Variants in LRRC4C observed in about 807,000 individuals in gnomAD.
The protein encoded by LRRC4C is leucine rich repeat containing 4C, also known as leucine-rich repeat-containing protein 4C.
In LRRC4C, 5 loss-of-function variants were observed where a neutral mutation model predicts 33.6. That is an observed-to-expected ratio of 0.15 (90% CI 0.08 to 0.31). The LOEUF (loss-of-function observed/expected upper bound fraction) is 0.31. LRRC4C is among the 10% of genes least tolerant of loss of function. LRRC4C has a pLI of 1.00. For missense variants in LRRC4C, 560 were observed against 796.7 expected, an observed-to-expected ratio of 0.70 and a Z score of 3.58; for synonymous variants, 329 against 302.0, an observed-to-expected ratio of 1.09 and a Z score of -0.93.
At chr11:41,219,410 C>T (rs1947205551) in intron 1 of LRRC4C, among the ~76,000 whole-genome samples, 1 of 152,042 alleles carries the variant, frequency 6.6e-6, no homozygotes, top group Non-Finnish European at 1.5e-5. Context: ...GCCAGGAAAA[C>T]AAAAAGAGTA....
chr11:40,932,991 T>C (rs75030271), intron 2 of LRRC4C, among the ~76,000 whole-genome samples: 1 of 152,120 alleles, frequency 6.6e-6, no homozygotes, highest in African/African-American at 2.4e-5. Context: ...TATTAACTGG[T>C]CAACTGACAA....
chr11:40,419,382 T>TA (rs1337455710), intron 3 of LRRC4C, among the ~76,000 whole-genome samples: 1 of 152,010 alleles, frequency 6.6e-6, no homozygotes, highest in Non-Finnish European at 1.5e-5. Flanking sequence ...AATCTAAATA[T>TA]AAAAAATTAT....
chr11:41,123,592 A>C (rs188918606), intron 1 of LRRC4C, among the ~76,000 whole-genome samples: 1 of 151,932 alleles, frequency 6.6e-6, no homozygotes, highest in East Asian at 1.9e-4. Flanking sequence ...TTTTTTAATA[A>C]ATTCTACCAC....
intron 2 of LRRC4C, among the ~76,000 whole-genome samples, chr11:40,718,274 C>A (rs1419127513): frequency 6.6e-6 from 1 of 152,148 alleles, no homozygotes; most frequent in Non-Finnish European, 1.5e-5. Context: ...GTGCTACAGG[C>A]ATCTTGTGTG....
In LRRC4C at chr11:40,719,733, A is replaced by C. The variant is rs116668521; in HGVS notation, c.-406-71455T>G. On this transcript the variant is annotated intron_variant, in intron 2 of 6. Coordinates refer to ENST00000528697, the MANE Select transcript of LRRC4C (RefSeq NM_001258419.2). ...TTGGAGTAAGAAATTATATTTGTAC[A>C]TTGTCATTTGGGATCCATTATCACC... Among the ~76,000 whole-genome samples the C allele has an allele frequency of 2.8e-3, 423 of 152,272 alleles. 5 individuals are homozygous for C. The highest frequency in any genetic ancestry group is 9.6e-3 in the African/African-American group (399 of 41,556).
chr11:40,212,651 G>A (rs974788552), intron 5 of LRRC4C, among the ~76,000 whole-genome samples: 3 of 152,002 alleles, frequency 2.0e-5, no homozygotes, highest in African/African-American at 4.8e-5. Context: ...ATTCTAATAA[G>A]CTCTTTACCT....
chr11:40,574,272 T>C (rs1347669079), intron 3 of LRRC4C, among the ~76,000 whole-genome samples: 5 of 152,142 alleles, frequency 3.3e-5, no homozygotes, highest in African/African-American at 1.2e-4. Flanking sequence ...CCTCCAATTA[T>C]GGCTGTTTGA....
At chr11:40,320,483 G>A in intron 3 of LRRC4C, among the ~76,000 whole-genome samples, 1 of 152,100 alleles carries the variant, frequency 6.6e-6, no homozygotes. Context: ...TCCAGCCTGG[G>A]CGACAGAGTG....
At chr11:41,075,031 T>TTTTATTTA (rs1939030100) in intron 1 of LRRC4C, among the ~76,000 whole-genome samples, 1 of 32,000 alleles carries the variant, frequency 3.1e-5, no homozygotes, top group East Asian at 7.0e-4. Flanking sequence ...TTTTTTTTTT[T>TTTTATTTA]TTTTTATTTT....
intron 1 of LRRC4C, among the ~76,000 whole-genome samples, chr11:41,417,712 A>G (rs1954735116): frequency 6.6e-6 from 1 of 151,856 alleles, no homozygotes. Flanking sequence ...TTAATCTCCA[A>G]TTATCTAGCT....
chr11:41,410,883 T>G (rs1954449517), intron 1 of LRRC4C, among the ~76,000 whole-genome samples: 1 of 151,904 alleles, frequency 6.6e-6, no homozygotes, highest in Non-Finnish European at 1.5e-5. Context: ...CTAAAATCCA[T>G]TAGGTGAATT....
chr11:40,850,310 GGAGTT>G (rs1310872985), intron 2 of LRRC4C, among the ~76,000 whole-genome samples: 7 of 152,052 alleles, frequency 4.6e-5, no homozygotes, highest in African/African-American at 1.7e-4. Flanking sequence ...ATCTTTGGAT[GGAGTT>G]TTTGAGTGGT....
intron 4 of LRRC4C, among the ~76,000 whole-genome samples, chr11:40,258,455 A>C: frequency 6.6e-6 from 1 of 152,260 alleles, no homozygotes; most frequent in East Asian, 1.9e-4. Flanking sequence ...TTTATTTCAT[A>C]TATGTTAGTA....
intron 1 of LRRC4C, among the ~76,000 whole-genome samples, chr11:41,235,642 T>A (rs149700092): frequency 1.3e-5 from 2 of 152,184 alleles, no homozygotes; most frequent in East Asian, 3.9e-4. Flanking sequence ...AGTTACACAG[T>A]TTTTTAAAAC....
intron 1 of LRRC4C, among the ~76,000 whole-genome samples, chr11:41,266,350 T>A (rs1201095359): frequency 6.6e-6 from 1 of 152,094 alleles, no homozygotes; most frequent in Non-Finnish European, 1.5e-5. Context: ...AATTTGAGAA[T>A]AAGAAAAACA....
At chr11:41,220,533 TACACACACACAC>T (rs3067232) in intron 1 of LRRC4C, among the ~76,000 whole-genome samples, 129 of 144,342 alleles carry the variant, frequency 8.9e-4, no homozygotes, top group African/African-American at 3.1e-3. Flanking sequence ...CACACAGACA[TACACACACACAC>T]ACACACACAC....
intron 2 of LRRC4C, among the ~76,000 whole-genome samples, chr11:40,756,215 A>C (rs1287665883): frequency 6.6e-6 from 1 of 152,014 alleles, no homozygotes; most frequent in African/African-American, 2.4e-5. Context: ...TGAGAAAAAT[A>C]AATTTTTGAT....
At chr11:40,197,721 A>G (rs191920304) in intron 5 of LRRC4C, among the ~76,000 whole-genome samples, 34 of 152,298 alleles carry the variant, frequency 2.2e-4, no homozygotes, top group Admixed American at 1.9e-3. Context: ...ACTTTGTTTC[A>G]TATAATCTAT....
intron 2 of LRRC4C, among the ~76,000 whole-genome samples, chr11:40,880,642 A>G (rs1176879447): frequency 6.6e-6 from 1 of 151,728 alleles, no homozygotes; most frequent in Non-Finnish European, 1.5e-5. Context: ...GAATATATGT[A>G]TATCTTTACT....
Sources: gnomAD v4.1 joint callset for allele counts (sites outside exome capture counted in the v4.1 genomes callset) on GRCh38, gnomAD v4.1.1 for gene constraint, MANE v1.5 for transcripts, NCBI Gene and HGNC (gene_info 2026-07-23, HGNC 2026-07-21) for gene names.